ZNF423: variants seen among roughly 807,000 people sequenced by gnomAD.
ZNF423 encodes zinc finger protein 423.
In ZNF423, 12 loss-of-function variants were observed where a neutral mutation model predicts 95.8. That is an observed-to-expected ratio of 0.13 (90% confidence interval 0.08 to 0.20). The LOEUF (loss-of-function observed/expected upper bound fraction) is 0.20, where lower values mean the gene tolerates loss of function less well. ZNF423 is among the 10% of genes least tolerant of loss of function. ZNF423 has a pLI of 1.00. For missense variants in ZNF423, 1,316 were observed against 1,737.1 expected, an observed-to-expected ratio of 0.76 and a Z score of 4.31; for synonymous variants, 749 against 711.9, an observed-to-expected ratio of 1.05 and a Z score of -0.83.
At chr16:49,562,335 T>A (rs546772943) in intron 5 of ZNF423, among the ~76,000 whole-genome samples, 1 of 152,348 alleles carries the variant, frequency 6.6e-6, no homozygotes, top group African/African-American at 2.4e-5. Context: ...ATTAACTCTC[T>A]GACCCTTTAT....
chr16:49,496,374 T>A (rs943828682), intron 7 of ZNF423, among the ~76,000 whole-genome samples: 1 of 152,138 alleles, frequency 6.6e-6, no homozygotes, highest in East Asian at 1.9e-4. Context: ...TGGGAGAGGA[T>A]CCCTCACGGA....
chr16:49,738,073 G>T (rs1406334774), intron 2 of ZNF423, among the ~76,000 whole-genome samples: 1 of 152,138 alleles, frequency 6.6e-6, no homozygotes, highest in Non-Finnish European at 1.5e-5. Context: ...CGACAAACCA[G>T]GGTCAACAAT....
At chr16:49,777,418 G>C (rs1221458125) in intron 2 of ZNF423, among the ~76,000 whole-genome samples, 1 of 152,076 alleles carries the variant, frequency 6.6e-6, no homozygotes, top group African/African-American at 2.4e-5. Context: ...CCTTGTGTTG[G>C]TGTGCATGTA....
intron 2 of ZNF423, among the ~76,000 whole-genome samples, chr16:49,771,108 T>TAACACCACCGATGGAGACTGGTATC (rs1269174374): frequency 1.2e-4 from 18 of 151,484 alleles, no homozygotes; most frequent in African/African-American, 4.1e-4. Flanking sequence ...AGACTAAGCA[T>TAACACCACCGATGGAGACTGGTATC]AACACCACCG....
intron 5 of ZNF423, among the ~76,000 whole-genome samples, chr16:49,582,926 C>G (rs1970715597): frequency 6.6e-6 from 1 of 152,236 alleles, no homozygotes; most frequent in African/African-American, 2.4e-5. Flanking sequence ...GACCCATACT[C>G]CCTATCCATA....
intron 1 of ZNF423, among the ~76,000 whole-genome samples, chr16:49,812,571 T>C (rs1198791851): frequency 2.0e-5 from 3 of 152,150 alleles, no homozygotes; most frequent in African/African-American, 2.4e-5. Flanking sequence ...CATGCGCTAC[T>C]CAGGAGGCTA....
intron 3 of ZNF423, among the ~76,000 whole-genome samples, chr16:49,685,971 C>G (rs2031547835): frequency 6.6e-6 from 1 of 152,228 alleles, no homozygotes; most frequent in Admixed American, 6.5e-5. Context: ...GGATGGCTAT[C>G]CCCATAATTT....
At chr16:49,577,260 T>A (rs1970529121) in intron 5 of ZNF423, among the ~76,000 whole-genome samples, 1 of 152,230 alleles carries the variant, frequency 6.6e-6, no homozygotes, top group Non-Finnish European at 1.5e-5. Context: ...ATTTATGTAC[T>A]CATTGCTACT....
chr16:49,723,425 TTG>T (rs919808097), intron 3 of ZNF423, among the ~76,000 whole-genome samples: 1 of 152,182 alleles, frequency 6.6e-6, no homozygotes, highest in Non-Finnish European at 1.5e-5. Context: ...CCATGTTTTT[TTG>T]TGTTGATTTA....
At chr16:49,711,150 G>A (rs1478126084) in intron 3 of ZNF423, 4 of 152,188 alleles carry the variant, frequency 2.6e-5, no homozygotes, top group African/African-American at 7.2e-5. Flanking sequence ...AAGATGCAAT[G>A]GAACAGAATG....
At chr16:49,550,978 G>C (rs572579026) in intron 5 of ZNF423, among the ~76,000 whole-genome samples, 1 of 152,222 alleles carries the variant, frequency 6.6e-6, no homozygotes, top group Non-Finnish European at 1.5e-5. Flanking sequence ...CTGCTGGACC[G>C]ATGAAGAGAC....
intron 5 of ZNF423, among the ~76,000 whole-genome samples, chr16:49,567,646 C>T (rs1270233327): frequency 1.3e-5 from 2 of 152,182 alleles, no homozygotes; most frequent in Non-Finnish European, 2.9e-5. Flanking sequence ...AAGAGCCCAG[C>T]CCCAGTAGGG....
At chr16:49,643,316 G>T (rs532146351) in intron 3 of ZNF423, among the ~76,000 whole-genome samples, 29 of 152,244 alleles carry the variant, frequency 1.9e-4, no homozygotes, top group Admixed American at 1.8e-3. Flanking sequence ...TACTTGCATC[G>T]ATTTTGCTGT....
At chr16:49,824,299 GC>G (rs976191806) in intron 1 of ZNF423, among the ~76,000 whole-genome samples, 3 of 152,000 alleles carry the variant, frequency 2.0e-5, no homozygotes, top group Admixed American at 2.0e-4. Flanking sequence ...AGAGATTAGA[GC>G]CCCCCTGTCA....
chr16:49,588,556 A>G (rs1000178534), intron 5 of ZNF423, among the ~76,000 whole-genome samples: 1 of 152,198 alleles, frequency 6.6e-6, no homozygotes, highest in Non-Finnish European at 1.5e-5. Context: ...TCAGTACCCA[A>G]ACAGGCTACA....
intron 5 of ZNF423, among the ~76,000 whole-genome samples, chr16:49,547,088 C>G (rs1191655751): frequency 1.3e-5 from 2 of 151,410 alleles, no homozygotes; most frequent in Non-Finnish European, 2.9e-5. Flanking sequence ...TTAGAGAAAT[C>G]AACAAAGACC....
At chr16:49,789,960 A>G (rs1485859657) in intron 1 of ZNF423, among the ~76,000 whole-genome samples, 1 of 152,148 alleles carries the variant, frequency 6.6e-6, no homozygotes, top group Non-Finnish European at 1.5e-5. Context: ...ACGTCTGAGC[A>G]CTGCAACTCA....
chr16:49,745,314 G>A (rs763946512), intron 2 of ZNF423, among the ~76,000 whole-genome samples: 23 of 152,100 alleles, frequency 1.5e-4, no homozygotes, highest in Non-Finnish European at 2.8e-4. Context: ...ACTAAAGTGC[G>A]AAATGTCTTC....
chr16:49,668,854 A>G (rs2030667222), intron 3 of ZNF423, among the ~76,000 whole-genome samples: 3 of 152,138 alleles, frequency 2.0e-5, no homozygotes, highest in Non-Finnish European at 1.5e-5. Flanking sequence ...GTGACCTGGG[A>G]CAAGTGACCT....
Sources: gnomAD v4.1 joint callset for allele counts (sites outside exome capture counted in the v4.1 genomes callset) on GRCh38, gnomAD v4.1.1 for gene constraint, MANE v1.5 for transcripts, NCBI Gene and HGNC (gene_info 2026-07-23, HGNC 2026-07-21) for gene names.